PHACTR3: variants seen among roughly 807,000 people sequenced by gnomAD.
The protein encoded by PHACTR3 is protein phosphatase 1, regulatory subunit 123.
PHACTR3 carries 16 observed loss-of-function variants against 66.8 expected under a neutral mutation model. The observed-to-expected ratio is 0.24, with a 90% CI of 0.16 to 0.36. The LOEUF is 0.36. Ranked by LOEUF, PHACTR3 falls within the 10% of genes least tolerant of loss-of-function variation. PHACTR3 has a pLI of 1.00. For missense variants in PHACTR3, 647 were observed against 719.9 expected, an observed-to-expected ratio of 0.90 and a Z score of 1.16; for synonymous variants, 323 against 292.1, an observed-to-expected ratio of 1.11 and a Z score of -1.08.
chr20:59,620,252 C>T (rs2034183535), intron 1 of PHACTR3, among the ~76,000 whole-genome samples: 1 of 152,206 alleles, frequency 6.6e-6, no homozygotes, highest in Admixed American at 6.5e-5. Flanking sequence ...CTCCTGCGTA[C>T]CTTTCACCTA....
intron 8 of PHACTR3, among the ~76,000 whole-genome samples, chr20:59,821,928 A>T (rs1357632354): frequency 6.8e-6 from 1 of 147,812 alleles, no homozygotes; most frequent in Admixed American, 6.7e-5. Flanking sequence ...GCTGAGAGTG[A>T]TGTGGACAAA....
At chr20:59,776,800 C>T (rs967383703) in intron 7 of PHACTR3, among the ~76,000 whole-genome samples, 12 of 99,666 alleles carry the variant, frequency 1.2e-4, no homozygotes, top group Middle Eastern at 5.4e-3. Flanking sequence ...GCACTGGAGA[C>T]GGCATCAAAG....
intron 1 of PHACTR3, 104 bp downstream of exon 1, chr20:59,605,236 G>C (rs930641351): frequency 9.9e-6 from 8 of 806,370 alleles, no homozygotes; most frequent in South Asian, 5.1e-5. Context: ...CATTCGGGGA[G>C]CCGCGGCAGG....
At chr20:59,582,254 C>T (rs1382580306) in intron 1 of PHACTR3, among the ~76,000 whole-genome samples, 2 of 152,226 alleles carry the variant, frequency 1.3e-5, no homozygotes, top group Non-Finnish European at 2.9e-5. Context: ...AAGCTGTTTT[C>T]ACTCTGCAGT....
chr20:59,745,393 G>A (rs1388022375), intron 2 of PHACTR3, among the ~76,000 whole-genome samples: 1 of 152,210 alleles, frequency 6.6e-6, no homozygotes, highest in Non-Finnish European at 1.5e-5. Context: ...GCTGTGCCGT[G>A]TGAGTTCACC....
intron 1 of PHACTR3, among the ~76,000 whole-genome samples, chr20:59,712,348 A>C (rs531733159): frequency 6.6e-6 from 1 of 152,160 alleles, no homozygotes; most frequent in Non-Finnish European, 1.5e-5. Flanking sequence ...AACCTATCCC[A>C]TATTTCATGT....
intron 1 of PHACTR3, among the ~76,000 whole-genome samples, chr20:59,727,365 T>C (rs1279167744): frequency 2.6e-5 from 4 of 152,120 alleles, no homozygotes; most frequent in Non-Finnish European, 4.4e-5. Context: ...GGGCTGTTTT[T>C]GCTTTAGGTC....
chr20:59,615,702 C>A (rs536042116), intron 1 of PHACTR3, among the ~76,000 whole-genome samples: 9 of 152,292 alleles, frequency 5.9e-5, no homozygotes, highest in African/African-American at 9.6e-5. Context: ...GCAGTCTAAA[C>A]CAGCCATGTT....
At chr20:59,827,014 C>T (rs1385163009) in intron 8 of PHACTR3, among the ~76,000 whole-genome samples, 1 of 152,194 alleles carries the variant, frequency 6.6e-6, no homozygotes, top group African/African-American at 2.4e-5. Flanking sequence ...TCCCTCCTTC[C>T]CTCCCATAGT....
At chr20:59,682,468 C>T (rs2036698288) in intron 1 of PHACTR3, among the ~76,000 whole-genome samples, 1 of 152,204 alleles carries the variant, frequency 6.6e-6, no homozygotes, top group South Asian at 2.1e-4. Flanking sequence ...GCAAAGCCTC[C>T]TGGAGCTTGT....
At chr20:59,821,829 C>T (rs902071243) in intron 8 of PHACTR3, among the ~76,000 whole-genome samples, 2 of 151,692 alleles carry the variant, frequency 1.3e-5, no homozygotes, top group Admixed American at 1.3e-4. Flanking sequence ...TTAAAAATGC[C>T]CCATTCCTGA....
intron 7 of PHACTR3, among the ~76,000 whole-genome samples, chr20:59,791,932 G>A (rs1373149304): frequency 2.6e-5 from 4 of 152,134 alleles, no homozygotes; most frequent in East Asian, 1.9e-4. Flanking sequence ...TTATACAAGC[G>A]AAGATACATT....
Position 59,642,686 on chromosome 20 carries a change from G to A in PHACTR3, c.118+37554G>A, listed in dbSNP as rs188512784. Among the ~76,000 whole-genome samples the A allele has an allele frequency of 4.2e-3, 641 of 152,166 alleles. 7 individuals are homozygous for A. Among genetic ancestry groups the A allele is most frequent in the African/African-American group, 0.015 (603 of 41,498 alleles). ...TTGCTTCTTTCTTGCTATAGTAATT[G>A]GGATGGACTTAAGGCTGCCTGCCTT... On this transcript the variant is annotated intron_variant, in intron 1 of 12. Coordinates refer to ENST00000371015, the MANE Select transcript of PHACTR3 (RefSeq NM_080672.5).
At chr20:59,797,858 A>G (rs964697787) in intron 7 of PHACTR3, among the ~76,000 whole-genome samples, 1 of 151,756 alleles carries the variant, frequency 6.6e-6, no homozygotes, top group African/African-American at 2.4e-5. Context: ...ATTTTTATAA[A>G]TTGTTGGGTT....
intron 1 of PHACTR3, among the ~76,000 whole-genome samples, chr20:59,590,119 G>A (rs961515325): frequency 3.9e-5 from 6 of 152,340 alleles, no homozygotes; most frequent in Admixed American, 2.0e-4. Context: ...ATGTGTGTGC[G>A]TGCTTGTGAG....
chr20:59,704,121 C>A (rs533092045), intron 1 of PHACTR3, among the ~76,000 whole-genome samples: 2 of 152,254 alleles, frequency 1.3e-5, no homozygotes, highest in East Asian at 1.9e-4. Flanking sequence ...TGCTAAGTAA[C>A]CCTCCAGAGA....
At chr20:59,615,146 C>A (rs2033986397) in intron 1 of PHACTR3, among the ~76,000 whole-genome samples, 1 of 152,012 alleles carries the variant, frequency 6.6e-6, no homozygotes, top group Non-Finnish European at 1.5e-5. Context: ...AGCTTATTTA[C>A]ATAAAAAAGA....
chr20:59,594,301 T>C (rs2057436736), intron 1 of PHACTR3, among the ~76,000 whole-genome samples: 1 of 151,914 alleles, frequency 6.6e-6, no homozygotes, highest in Non-Finnish European at 1.5e-5. Flanking sequence ...AACCTTGCTA[T>C]AATAATTTAT....
At chr20:59,672,741 C>T (rs1279273990) in intron 1 of PHACTR3, among the ~76,000 whole-genome samples, 1 of 152,230 alleles carries the variant, frequency 6.6e-6, no homozygotes, top group Non-Finnish European at 1.5e-5. Context: ...CGGCCTCCTT[C>T]CCTCCACCAT....
Sources: gnomAD v4.1 joint callset for allele counts (sites outside exome capture counted in the v4.1 genomes callset) on GRCh38, gnomAD v4.1.1 for gene constraint, MANE v1.5 for transcripts, NCBI Gene and HGNC (gene_info 2026-07-23, HGNC 2026-07-21) for gene names.